RAB33A: variants seen among roughly 807,000 people sequenced by gnomAD.
RAB33A encodes RAB33A, member RAS oncogene family.
Under a neutral mutation model 12.0 loss-of-function variants are expected in RAB33A, and 6 were observed. The ratio of observed to expected loss-of-function variants is 0.50; its 90% confidence interval spans 0.27 to 0.99. The LOEUF (loss-of-function observed/expected upper bound fraction) is 0.99. Among genes scored for constraint, RAB33A ranks in the 50% least tolerant of loss-of-function variants. The pLI, the probability that RAB33A is intolerant of heterozygous loss-of-function variation, is 0.11. For missense variants in RAB33A, 109 were observed against 192.0 expected (o/e 0.57, Z 2.55); for synonymous variants, 70 against 82.4 (o/e 0.85, Z 0.81).
chrX:130,111,465 G>A, the RAB33A span, among the ~76,000 whole-genome samples: 1 of 112,990 alleles, frequency 8.9e-6, no homozygotes, highest in Non-Finnish European at 1.9e-5. Flanking sequence ...GCCGTGCGGC[G>A]GGTGAGGCCG....
At chrX:130,181,801 G>T (rs1227384866) in intron 1 of RAB33A, among the ~76,000 whole-genome samples, 1 of 110,010 alleles carries the variant, frequency 9.1e-6, no homozygotes, top group Non-Finnish European at 1.9e-5. Flanking sequence ...ACAAAAATTA[G>T]CTGGGCATGG....
At chrX:130,131,020 C>T in the RAB33A span, among the ~76,000 whole-genome samples, 1 of 112,421 alleles carries the variant, frequency 8.9e-6, no homozygotes. Flanking sequence ...CAGCACCTTG[C>T]CCTTGAGACA....
the RAB33A span, among the ~76,000 whole-genome samples, chrX:130,114,447 T>A: frequency 8.9e-6 from 1 of 112,475 alleles, no homozygotes; most frequent in Non-Finnish European, 1.9e-5. Flanking sequence ...TCCACCTACC[T>A]GCTGGGTGAG....
At chrX:130,133,924 G>A in the RAB33A span, among the ~76,000 whole-genome samples, 1,186 of 110,006 alleles carry the variant, frequency 0.011, 15 homozygotes, top group African/African-American at 0.037. Context: ...GAGTCACCAC[G>A]CCTGGCCTGA....
the RAB33A span, chrX:130,129,774 C>G: frequency 1.4e-6 from 1 of 735,829 alleles, no homozygotes. Context: ...AAACAAGCAG[C>G]CTGCCAACTC....
chrX:130,148,380 A>G, the RAB33A span, among the ~76,000 whole-genome samples: 1 of 111,840 alleles, frequency 8.9e-6, no homozygotes, highest in African/African-American at 3.3e-5. Context: ...GGGCTTATTA[A>G]AGGATTAAAA....
the RAB33A span, among the ~76,000 whole-genome samples, chrX:130,122,917 C>A: frequency 2.7e-5 from 3 of 111,568 alleles, no homozygotes; most frequent in African/African-American, 9.8e-5. Flanking sequence ...TGTACAATTT[C>A]TAGGGGTCCC....
chrX:130,137,379 A>G, the RAB33A span: 1 of 1,155,261 alleles, frequency 8.7e-7, no homozygotes, highest in Non-Finnish European at 1.2e-6. Context: ...CAAATACAAC[A>G]GGTATCAGAA....
the RAB33A span, chrX:130,137,182 C>T: frequency 9.1e-6 from 11 of 1,208,622 alleles, no homozygotes; most frequent in Admixed American, 1.1e-4. Flanking sequence ...GCCCAAGGCT[C>T]GAGCTGGGAA....
the RAB33A span, among the ~76,000 whole-genome samples, chrX:130,145,921 T>A: frequency 8.9e-6 from 1 of 111,752 alleles, no homozygotes; most frequent in African/African-American, 3.2e-5. Context: ...CAAAGCGTTA[T>A]CCTGCTCCAA....
chrX:130,138,769 A>G, the RAB33A span: 4 of 760,288 alleles, frequency 5.3e-6, no homozygotes, highest in Non-Finnish European at 8.2e-6. Context: ...ACTAGAAAGT[A>G]GTTTCTTCTA....
chrX:130,117,126 A>G, the RAB33A span, among the ~76,000 whole-genome samples: 3 of 112,088 alleles, frequency 2.7e-5, no homozygotes, highest in African/African-American at 9.7e-5. Flanking sequence ...AAGCAGGAGA[A>G]TGGTGTGAAC....
chrX:130,179,007 G>A (rs1369780033), intron 1 of RAB33A, among the ~76,000 whole-genome samples: 3 of 106,199 alleles, frequency 2.8e-5, no homozygotes, highest in Non-Finnish European at 3.9e-5. Context: ...CCTGCCTGCT[G>A]TGATCTTCCT....
At chrX:130,146,190 T>C in the RAB33A span, among the ~76,000 whole-genome samples, 1 of 111,673 alleles carries the variant, frequency 9.0e-6, no homozygotes, top group Non-Finnish European at 1.9e-5. Context: ...ATAACCCCAG[T>C]GCTTTGGGAG....
At chrX:130,156,311 A>T in the RAB33A span, 1 of 634,710 alleles carries the variant, frequency 1.6e-6, no homozygotes, top group Non-Finnish European at 2.5e-6. Flanking sequence ...ATAAGATATT[A>T]GGCAGCAGGC....
chrX:130,119,657 C>T, the RAB33A span, among the ~76,000 whole-genome samples: 6 of 112,044 alleles, frequency 5.4e-5, no homozygotes, highest in Admixed American at 1.9e-4. Flanking sequence ...GAAAAAGGCC[C>T]GGGCTCTGAG....
At chrX:130,150,576 C>G in the RAB33A span, among the ~76,000 whole-genome samples, 1 of 105,645 alleles carries the variant, frequency 9.5e-6, no homozygotes, top group African/African-American at 3.4e-5. Flanking sequence ...ACCTCGTGAT[C>G]TGCCCGCCTC....
chrX:130,118,676 G>A, the RAB33A span, among the ~76,000 whole-genome samples: 3 of 111,940 alleles, frequency 2.7e-5, no homozygotes, highest in South Asian at 3.7e-4. Flanking sequence ...CCAACTCGGC[G>A]GCTGCTGCTG....
chrX:130,138,331 T>G, the RAB33A span, among the ~76,000 whole-genome samples: 7 of 109,708 alleles, frequency 6.4e-5, no homozygotes, highest in African/African-American at 1.0e-4. Context: ...CAGGCGTGGT[T>G]ACAGGCGCCT....
Sources: allele counts gnomAD v4.1 joint callset (sites outside exome capture counted in the v4.1 genomes callset), GRCh38; gene constraint gnomAD v4.1.1; transcripts MANE v1.5; gene names NCBI Gene and HGNC (gene_info 2026-07-23, HGNC 2026-07-21).